The following WDR44 variants were observed in gnomAD, a reference collection of about 807,000 sequenced individuals.
WDR44 encodes the protein WD repeat-containing protein 44.
WDR44 carries 9 observed loss-of-function variants against 65.7 expected under a neutral mutation model. The ratio of observed to expected loss-of-function variants is 0.14; its 90% confidence interval spans 0.08 to 0.24. WDR44 has a LOEUF of 0.24. WDR44 is among the 10% of genes least tolerant of loss of function. WDR44 has a pLI of 1.00. For missense variants in WDR44, 425 were observed against 670.9 expected, an observed-to-expected ratio of 0.63 and a Z score of 4.05; for synonymous variants, 220 against 235.2, an observed-to-expected ratio of 0.94 and a Z score of 0.59.
chrX:118,380,027 C>T (rs1466222764), intron 2 of WDR44, among the ~76,000 whole-genome samples: 1 of 111,198 alleles, frequency 9.0e-6, no homozygotes, highest in African/African-American at 3.3e-5. Flanking sequence ...TACTTTACCC[C>T]GTAATTATAG....
intron 14 of WDR44, 85 bp downstream of exon 14, chrX:118,436,909 G>A (rs2057259245): frequency 1.1e-6 from 1 of 926,850 alleles, no homozygotes; most frequent in Non-Finnish European, 1.4e-6. Flanking sequence ...TGGACTACAG[G>A]AAAAAAATTA....
intron 15 of WDR44, among the ~76,000 whole-genome samples, 162 bp from the exon 16 acceptor site, chrX:118,442,082 C>T (rs2057308795): frequency 8.9e-6 from 1 of 111,946 alleles, no homozygotes; most frequent in Non-Finnish European, 1.9e-5. Context: ...CATTCTGTCA[C>T]CCAAGTTAGA....
chrX:118,378,728 GTGTGTGTT>G (rs1302362648), intron 2 of WDR44, among the ~76,000 whole-genome samples: 5 of 108,504 alleles, frequency 4.6e-5, no homozygotes, highest in African/African-American at 1.7e-4. Context: ...GTGTGTGTGT[GTGTGTGTT>G]GAAAAAGTGA....
intron 19 of WDR44, among the ~76,000 whole-genome samples, chrX:118,445,314 T>A (rs1229377434): frequency 8.9e-6 from 1 of 111,743 alleles, no homozygotes; most frequent in African/African-American, 3.3e-5. Flanking sequence ...AAAGAGAAAT[T>A]TGGATGTTCA....
chrX:118,384,005 A>G (rs12847875), intron 2 of WDR44, among the ~76,000 whole-genome samples: 27,343 of 104,399 alleles, frequency 0.26, 3,142 homozygotes, highest in African/African-American at 0.39. Context: ...ACAACCTCCA[A>G]AGTAGCTGGG....
chrX:118,394,287 T>C, intron 5 of WDR44, 102 bp downstream of exon 5: 1 of 1,103,587 alleles, frequency 9.1e-7, no homozygotes, highest in Non-Finnish European at 1.2e-6. Context: ...GATTTTTCTT[T>C]GTCCTCCAAA....
At chrX:118,363,040 C>T (rs995264593) in intron 1 of WDR44, among the ~76,000 whole-genome samples, 1 of 107,835 alleles carries the variant, frequency 9.3e-6, no homozygotes, top group Non-Finnish European at 1.9e-5. Context: ...TGTTTTTTAG[C>T]GCAATGCTAT....
At chrX:118,395,802 CACT>C (rs1428105502) in intron 6 of WDR44, among the ~76,000 whole-genome samples, 2 of 111,397 alleles carry the variant, frequency 1.8e-5, no homozygotes, top group Non-Finnish European at 3.8e-5. Context: ...GTGGGCAGGT[CACT>C]TGAGGTCAGG....
chrX:118,435,023 A>C (rs544088286), intron 13 of WDR44, among the ~76,000 whole-genome samples: 26 of 111,784 alleles, frequency 2.3e-4, no homozygotes, highest in Middle Eastern at 4.6e-3. Flanking sequence ...ATTTTAATCT[A>C]ATTTATCTGA....
chrX:118,407,426 A>G (rs1361731532), intron 10 of WDR44, among the ~76,000 whole-genome samples: 2 of 108,563 alleles, frequency 1.8e-5, no homozygotes, highest in East Asian at 5.8e-4. Flanking sequence ...GCTTGAACCC[A>G]GGAGGCAGAG....
At chrX:118,427,211 A>G (rs149786830) in intron 12 of WDR44, among the ~76,000 whole-genome samples, 11,529 of 108,656 alleles carry the variant, frequency 0.11, 641 homozygotes, top group Admixed American at 0.25. Context: ...GGTTCAAGCA[A>G]TCCTCCCACC....
intron 12 of WDR44, among the ~76,000 whole-genome samples, chrX:118,431,491 C>T (rs781407482): frequency 3.6e-5 from 4 of 110,889 alleles, no homozygotes; most frequent in South Asian, 7.7e-4. Context: ...TTAGTAGGGA[C>T]GGAGTTTCTC....
intron 14 of WDR44, among the ~76,000 whole-genome samples, chrX:118,440,949 CTTTTTTT>C (rs1214126337): frequency 4.0e-5 from 2 of 50,359 alleles, no homozygotes; most frequent in Non-Finnish European, 3.4e-5. Flanking sequence ...TAAATGAAAT[CTTTTTTT>C]TTTTTTTTTT....
chrX:118,449,015 T>C lies in WDR44; in HGVS notation c.*28T>C, dbSNP rs773552470. The C allele has an allele frequency of 9.8e-7, 1 of 1,016,921 alleles. No individual in the cohort carries two copies. The highest frequency in any genetic ancestry group is 2.1e-5 in the South Asian group (1 of 46,519). The allele number at this position is 1,016,921 out of a possible 1,213,427, so 83.8% of individuals were successfully genotyped here. A position where few individuals can be genotyped will look rare whatever the true frequency, so the allele number is the denominator to read the frequency against. On this transcript the variant is annotated 3_prime_UTR_variant, in exon 20 of 20. Transcript: ENST00000254029. ...TGAAATGGCATTTAAAATAAACATA[T>C]CAGTAAGTTTCTATATGTATCAAAA...
At position 118,398,442 on chromosome X, in the gene WDR44, A is replaced by G; in HGVS notation, c.1246A>G (p.Thr416Ala). ...EEKLQSQPTDTDGGRLKQKTT... is the reference protein window; with the variant it reads ...EEKLQSQPTDADGGRLKQKTT... The stretch of plus-strand genomic sequence containing the variant: ...GAAGTTACAGTCTCAGCCAACAGAT[A>G]CTGATGGTGGAAGGTTAAAACAGAA... Residue 416 changes from threonine to alanine, a missense_variant, in exon 8 of 20, where the codon ACT (threonine) becomes GCT (alanine). Around this residue, in one of 5 missense-constraint regions of WDR44, gnomAD observed 77 missense variants for 183.5 expected, o/e 0.42. Transcript: ENST00000254029. 5 of 1,209,751 alleles carry G rather than the reference A, an allele frequency of 4.1e-6. No individual in the cohort carries two copies. Among genetic ancestry groups the G allele is most frequent in the South Asian group, 1.8e-5 (1 of 56,888 alleles).
At chrX:118,434,415 A>G (rs2057237462) in intron 13 of WDR44, among the ~76,000 whole-genome samples, 1 of 112,168 alleles carries the variant, frequency 8.9e-6, no homozygotes, top group South Asian at 3.7e-4. Context: ...TACCTGTTTA[A>G]TCTTTTAAAA....
At chrX:118,376,138 A>G (rs34460508) in intron 1 of WDR44, among the ~76,000 whole-genome samples, 14,345 of 110,094 alleles carry the variant, frequency 0.13, 792 homozygotes, top group Admixed American at 0.26. Flanking sequence ...GGGTGTCACT[A>G]TATTGCCTAG....
chrX:118,437,694 T>G (rs1407367768), intron 14 of WDR44, among the ~76,000 whole-genome samples: 1 of 112,050 alleles, frequency 8.9e-6, no homozygotes, highest in African/African-American at 3.2e-5. Flanking sequence ...TATACTTTCC[T>G]TCCCTGAGCA....
At chrX:118,372,254 A>T (rs2056620481) in intron 1 of WDR44, among the ~76,000 whole-genome samples, 1 of 111,434 alleles carries the variant, frequency 9.0e-6, no homozygotes, top group Admixed American at 9.6e-5. Context: ...AGGAACTCTA[A>T]AATCCCTTGC....
Sources: gnomAD v4.1 joint callset for allele counts (sites outside exome capture counted in the v4.1 genomes callset) on GRCh38, gnomAD v4.1.1 for gene constraint, gnomAD v4.1.1 regional missense constraint, MANE v1.5 for transcripts, NCBI Gene and HGNC (gene_info 2026-07-23, HGNC 2026-07-21) for gene names.